Variants in MEOX2 observed in about 807,000 individuals in gnomAD.
MEOX2 encodes the protein homeobox protein MOX-2.
Under a neutral mutation model 27.0 loss-of-function variants are expected in MEOX2, and 11 were observed. The ratio of observed to expected loss-of-function variants is 0.41; its 90% CI spans 0.26 to 0.68. MEOX2 has a LOEUF of 0.68. Ranked by LOEUF, MEOX2 falls within the 30% of genes least tolerant of loss-of-function variation. The probability of loss-of-function intolerance (pLI) is 0.33; values close to 1 mark genes in which losing one functional copy is unlikely to be tolerated. For synonymous variants in MEOX2, 189 were observed against 155.4 expected (o/e 1.22, Z -1.61); for missense variants, 436 against 385.4 (o/e 1.13, Z -1.10).
rs187606497 is a variant in MEOX2, at chr7:15,683,806, T to G, written c.517+2080A>C. ...AGCTCATTCTAAATCCCCAGTATTTTTATCCTTGGTGATGACTAATTGTAC... is the reference window on the plus strand; with the variant it reads ...AGCTCATTCTAAATCCCCAGTATTTGTATCCTTGGTGATGACTAATTGTAC... On this transcript the variant is annotated intron_variant, in intron 1 of 2. Transcript: ENST00000262041. Among the ~76,000 whole-genome samples, 13 of 152,278 alleles carry G rather than the reference T, an allele frequency of 8.5e-5. No homozygotes were observed. The East Asian group carries it at 2.3e-3, about 27-fold the overall frequency.
At chr7:15,662,313 AG>A (rs1174290523) in intron 1 of MEOX2, among the ~76,000 whole-genome samples, 1 of 152,094 alleles carries the variant, frequency 6.6e-6, no homozygotes, top group Non-Finnish European at 1.5e-5. Context: ...TATTAGTTAT[AG>A]GGGTTTTCAG....
intron 1 of MEOX2, among the ~76,000 whole-genome samples, chr7:15,627,433 CT>C (rs1229051688): frequency 6.6e-6 from 1 of 151,940 alleles, no homozygotes; most frequent in Non-Finnish European, 1.5e-5. Context: ...GCTTTTTTAT[CT>C]GTATTTAAGT....
intron 1 of MEOX2, among the ~76,000 whole-genome samples, chr7:15,655,617 C>A (rs547623416): frequency 1.3e-5 from 2 of 151,688 alleles, no homozygotes; most frequent in African/African-American, 4.8e-5. Context: ...ACCAAGATTT[C>A]CTTTTTGACC....
chr7:15,657,220 G>T (rs562108063), intron 1 of MEOX2, among the ~76,000 whole-genome samples: 10 of 151,932 alleles, frequency 6.6e-5, no homozygotes, highest in African/African-American at 2.2e-4. Context: ...TGTTTTTGCA[G>T]GTTTATGTCT....
At chr7:15,627,238 G>T (rs983027638) in intron 1 of MEOX2, among the ~76,000 whole-genome samples, 1 of 152,022 alleles carries the variant, frequency 6.6e-6, no homozygotes, top group African/African-American at 2.4e-5. Flanking sequence ...TTTTAGATAT[G>T]AAGTTCTGTT....
rs528511911 is a variant in MEOX2, at chr7:15,612,590, T to G, written c.712A>C (p.Arg238=). Residue 238 remains arginine (R), a synonymous_variant, in exon 3 of 3, where the codon AGG becomes CGG. Transcript: ENST00000262041. ...TTTACCCTCTTCCACTTCATCCGCC[T>G]GTTTTGGAACCAGACTTTCACCTTC... is the stretch of plus-strand genomic sequence containing the variant. ...ERQVKVWFQN[R]RMKWKRVKGG... is the part of the protein sequence containing the mutation. The G allele has an allele frequency of 5.6e-6, 9 of 1,614,118 alleles. No homozygotes were observed. In the South Asian group the frequency reaches 9.9e-5, roughly 18 times the overall value.
At chr7:15,627,828 T>TACACACACACACACACACA in intron 1 of MEOX2, among the ~76,000 whole-genome samples, 1 of 23,832 alleles carries the variant, frequency 4.2e-5, no homozygotes, top group East Asian at 1.9e-3. Flanking sequence ...CACACACACG[T>TACACACACACACACACACA]CAAGTAAAAA....
intron 1 of MEOX2, among the ~76,000 whole-genome samples, chr7:15,635,037 G>C (rs941474806): frequency 4.6e-5 from 7 of 151,930 alleles, no homozygotes; most frequent in African/African-American, 1.7e-4. Flanking sequence ...TCAACTATTT[G>C]ATTACATCCA....
chr7:15,618,284 A>G (rs1379271595), intron 2 of MEOX2, among the ~76,000 whole-genome samples: 1 of 152,088 alleles, frequency 6.6e-6, no homozygotes, highest in Non-Finnish European at 1.5e-5. Context: ...AATATTGTTT[A>G]CTCAAGTATT....
chr7:15,624,496 C>T (rs527627718), intron 2 of MEOX2, among the ~76,000 whole-genome samples: 15 of 152,198 alleles, frequency 9.9e-5, no homozygotes, highest in South Asian at 4.1e-4. Flanking sequence ...GCAAATATGA[C>T]GTAAGAGGCC....
chr7:15,630,618 C>G (rs1781386092), intron 1 of MEOX2, among the ~76,000 whole-genome samples: 1 of 151,948 alleles, frequency 6.6e-6, no homozygotes, highest in African/African-American at 2.4e-5. Context: ...GAATACTAAG[C>G]CTCAGCATAT....
intron 1 of MEOX2, among the ~76,000 whole-genome samples, chr7:15,633,961 A>G (rs904790668): frequency 6.6e-6 from 1 of 151,930 alleles, no homozygotes; most frequent in East Asian, 1.9e-4. Flanking sequence ...GCTTAGAAAA[A>G]GGAAAAGTAT....
chr7:15,645,047 C>T (rs1463367580), intron 1 of MEOX2, among the ~76,000 whole-genome samples: 1 of 152,060 alleles, frequency 6.6e-6, no homozygotes, highest in Non-Finnish European at 1.5e-5. Context: ...TTAGTGATAA[C>T]CTAATAAAGA....
chr7:15,660,143 G>A (rs536954872), intron 1 of MEOX2, among the ~76,000 whole-genome samples: 1 of 152,282 alleles, frequency 6.6e-6, no homozygotes, highest in East Asian at 1.9e-4. Context: ...TGAGATTTCT[G>A]TAGATGCAAA....
intron 1 of MEOX2, among the ~76,000 whole-genome samples, chr7:15,685,611 C>T (rs1782367177): frequency 6.6e-6 from 1 of 152,220 alleles, no homozygotes; most frequent in Admixed American, 6.5e-5. Context: ...GATTTCACAG[C>T]CACTTGTCCT....
chr7:15,625,057 G>C (rs776488191), intron 2 of MEOX2, among the ~76,000 whole-genome samples: 1 of 152,130 alleles, frequency 6.6e-6, no homozygotes, highest in South Asian at 2.1e-4. Flanking sequence ...ACAGAATCTT[G>C]TTTTTCCTCT....
At chr7:15,656,764 C>A (rs1341848396) in intron 1 of MEOX2, among the ~76,000 whole-genome samples, 1 of 151,722 alleles carries the variant, frequency 6.6e-6, no homozygotes, top group African/African-American at 2.4e-5. Flanking sequence ...TTGTATTTAC[C>A]TATAATTTTA....
intron 1 of MEOX2, chr7:15,679,918 A>C (rs1170510224): frequency 2.6e-5 from 4 of 151,988 alleles, no homozygotes; most frequent in Middle Eastern, 3.2e-3. Flanking sequence ...AATTATTTTC[A>C]TAACACTGTG....
chr7:15,652,988 T>C (rs902501046), intron 1 of MEOX2, among the ~76,000 whole-genome samples: 1 of 152,064 alleles, frequency 6.6e-6, no homozygotes. Context: ...CTGAAATAAA[T>C]ACTCAAAAGT....
Sources: gnomAD v4.1 joint callset for allele counts (sites outside exome capture counted in the v4.1 genomes callset) on GRCh38, gnomAD v4.1.1 for gene constraint, MANE v1.5 for transcripts, NCBI Gene and HGNC (gene_info 2026-07-23, HGNC 2026-07-21) for gene names.